TNS2: variants seen among roughly 807,000 people sequenced by gnomAD.
TNS2 encodes tensin-2.
TNS2 carries 77 observed loss-of-function variants against 155.7 expected under a neutral mutation model. The observed-to-expected ratio is 0.49, with a 90% CI of 0.41 to 0.60. The LOEUF is 0.60. Among genes scored for constraint, TNS2 ranks in the 20% least tolerant of loss-of-function variants. The pLI is 0.00. For synonymous variants in TNS2, 726 were observed against 763.9 expected (o/e 0.95, Z 0.82); for missense variants, 1,703 against 1,868.8 (o/e 0.91, Z 1.64).
In TNS2 at chr12:53,059,059, A is replaced by C; in HGVS notation, c.1418A>C (p.His473Pro). The C allele has an allele frequency of 6.5e-7, 1 of 1,532,790 alleles. No homozygotes were observed. The highest frequency in any genetic ancestry group is 8.8e-7 in the Non-Finnish European group (1 of 1,142,346). 94.9% of individuals were successfully genotyped at this position (1,532,790 alleles called of 1,614,324 possible). The change falls in exon 18 of 29, where the codon CAC (histidine) becomes CCC (proline). Residue 473 changes from histidine (H) to proline (P), a missense_variant. Transcript: ENST00000314250. This position sits in a 1 kb window ranked among gnomAD's most constrained non-coding sequence, Gnocchi z 4.7. ...CTTCCCCACTCAGGCTCCTTGACCCACACCCGGGGTCCCCTGGATGGCAGT... is the reference window on the plus strand; with the variant it reads ...CTTCCCCACTCAGGCTCCTTGACCCCCACCCGGGGTCCCCTGGATGGCAGT... ...HEDSVDGSLT[H>P]TRGPLDGSPY...
At chr12:53,049,100 G>C (rs373899734), upstream of TNS2, 5 of 1,439,320 alleles carry the variant, frequency 3.5e-6, no homozygotes, top group African/African-American at 5.8e-5. Context: ...TTGACTCCCA[G>C]GACGGGAAGT....
At chr12:53,056,743 C>T (rs950933013) in intron 10 of TNS2, among the ~76,000 whole-genome samples, 25 of 152,308 alleles carry the variant, frequency 1.6e-4, no homozygotes, top group Non-Finnish European at 3.1e-4. Flanking sequence ...TTCTGAGGTA[C>T]ATGTCTTTTG....
Position 53,053,448 on chromosome 12 carries a change from T to G in TNS2, c.260T>G (p.Leu87Trp), listed in dbSNP as rs758175254. 1 of 1,613,920 alleles carries G rather than the reference T, an allele frequency of 6.2e-7. No individual in the cohort carries two copies. The highest frequency in any genetic ancestry group is 1.1e-5 in the South Asian group (1 of 91,082). The change falls in exon 4 of 29, where the codon TTG (leucine) becomes TGG (tryptophan). Residue 87 changes from leucine to tryptophan, a missense_variant and splice_region_variant. Transcript: ENST00000314250. The part of the protein sequence containing the change: ...SACQALPPVE[L>W]RRNTAPVRRI... ...TGTCAGGCCTTGCCTCCCGTGGAGT[T>G]GGTGAGTGCGCTCTGGGATGGGGTG...
rs199919113 is a variant in TNS2, at chr12:53,061,282, G to A, written c.3358+18G>A. On this transcript the variant is annotated intron_variant, in intron 20 of 28. Transcript: ENST00000314250. Reference sequence around the variant, plus strand: ...AACCCCAGGTATAAAGGCCTTGAGGGGGTTGGTGCCACCTTGAGAGAACCC... The same window carrying A: ...AACCCCAGGTATAAAGGCCTTGAGGAGGTTGGTGCCACCTTGAGAGAACCC... The A allele has an allele frequency of 6.9e-6, 11 of 1,595,412 alleles. No individual in the cohort carries two copies. In the African/African-American group the frequency reaches 1.5e-4, roughly 21 times the overall value.
chr12:53,057,085 C>T lies in TNS2; in HGVS notation c.834C>T (p.Pro278=). 1 of 1,612,938 alleles carries T rather than the reference C, an allele frequency of 6.2e-7. No homozygotes were observed. The highest frequency in any genetic ancestry group is 8.5e-7 in the Non-Finnish European group (1 of 1,179,590). ...ACAAGGTGGCCACAGAACTGCAGCC[C>T]TCCCAGCGTCGGTGAGCAGCCTGGG... The part of the protein sequence containing the change: ...CEDKVATELQ[P]SQRRYISYFS... Residue 278 remains proline, a synonymous_variant, in exon 11 of 29, where the codon CCC becomes CCT. Coordinates refer to ENST00000314250, the MANE Select transcript of TNS2 (RefSeq NM_170754.4).
chr12:53,056,826 A>C, intron 10 of TNS2, 187 bp from the exon 11 acceptor site: 1 of 536,814 alleles, frequency 1.9e-6, no homozygotes, highest in Non-Finnish European at 3.3e-6. Context: ...AGTTCAGGGA[A>C]CAATTGCCTG....
In TNS2 at chr12:53,060,991, G is replaced by T. The variant is rs776173247; in HGVS notation, c.3085G>T (p.Gly1029Trp). Residue 1029 changes from glycine (G) to tryptophan (W), a missense_variant, in exon 20 of 29, where the codon GGG becomes TGG. Physicochemically the swap from Gly to Trp is radical, Grantham distance 184. Transcript: ENST00000314250. This position sits in a 1 kb window ranked among gnomAD's most constrained non-coding sequence, Gnocchi z 6.1. ...TCGAGGCCCCCCCGACAGCCCAGAT[G>T]GGTCTCCCCTCACTCCTGTGCCTTC... Reference protein sequence around the residue: ...GPRGPPDSPDGSPLTPVPSQM... With the variant: ...GPRGPPDSPDWSPLTPVPSQM... 1.2e-6 allele frequency: 2 copies of T among 1,612,426 alleles called. No individual in the cohort carries two copies. The highest frequency in any genetic ancestry group is 1.7e-5 in the Admixed American group (1 of 59,872).
Position 53,057,065 on chromosome 12 carries a change from G to A in TNS2, c.814G>A (p.Val272Met), listed in dbSNP as rs1243344219. ...LTMRKFCEDK[V>M]ATELQPSQRR... ...CATGCGGAAATTCTGCGAGGACAAGGTGGCCACAGAACTGCAGCCCTCCCA... is the reference window on the plus strand; with the variant it reads ...CATGCGGAAATTCTGCGAGGACAAGATGGCCACAGAACTGCAGCCCTCCCA... The change falls in exon 11 of 29, where the codon GTG becomes ATG. Residue 272 changes from valine (V) to methionine (M), a missense_variant. By Grantham distance (21) the Val-to-Met change is conservative. Transcript: ENST00000314250. 2 of 1,613,588 alleles carry A rather than the reference G, an allele frequency of 1.2e-6. No individual in the cohort carries two copies. The highest frequency in any genetic ancestry group is 2.7e-5 in the African/African-American group (2 of 74,930).
chr12:53,053,233 G>C, intron 3 of TNS2, 178 bp from the exon 4 acceptor site: 1 of 689,822 alleles, frequency 1.4e-6, no homozygotes. Context: ...GGGCCTGGGG[G>C]GTGGGGGACC....
rs887233010 is a variant in TNS2, at chr12:53,059,112, C to T, written c.1471C>T (p.Arg491Trp). 34 of 1,552,156 alleles carry T rather than the reference C, an allele frequency of 2.2e-5. No individual in the cohort carries two copies. Among genetic ancestry groups the T allele is most frequent in the East Asian group, 4.5e-5 (2 of 44,698 alleles). Reference protein sequence around the residue: ...SPYAQVQRPPRQTPPAPSPEP... With the variant: ...SPYAQVQRPPWQTPPAPSPEP... The stretch of plus-strand genomic sequence containing the variant: ...TTATGCCCAGGTGCAGCGGCCTCCC[C>T]GGCAGACCCCCCCGGCACCCTCTCC... The change falls in exon 18 of 29, where the codon CGG becomes TGG. Residue 491 changes from arginine to tryptophan, a missense_variant. By Grantham distance (101) the Arg-to-Trp change is moderately radical. Transcript: ENST00000314250. This position sits in a 1 kb window ranked among gnomAD's most constrained non-coding sequence, Gnocchi z 4.7.
Position 53,060,897 on chromosome 12 carries a change from T to A in TNS2, c.2991T>A (p.Asp997Glu), listed in dbSNP as rs1353619189. ...AAAGGAGTCCAGGGGGCCACTCAGA[T>A]GGCGCCAGTCCTCGGAGCCCTGTGC... ...PQERSPGGHS[D>E]GASPRSPVPT... The change falls in exon 20 of 29, where the codon GAT (aspartate) becomes GAA (glutamate). Residue 997 changes from aspartate (D) to glutamate (E), a missense_variant. Asp to Glu is a conservative substitution (Grantham distance 45, BLOSUM62 2). Coordinates refer to ENST00000314250, the MANE Select transcript of TNS2 (RefSeq NM_170754.4). This position sits in a 1 kb window ranked among gnomAD's most constrained non-coding sequence, Gnocchi z 6.1. 1 of 1,588,960 alleles carries A rather than the reference T, an allele frequency of 6.3e-7. No individual in the cohort carries two copies. The highest frequency in any genetic ancestry group is 2.3e-5 in the East Asian group (1 of 44,104).
At chr12:53,054,758 T>C (rs1944079939) in intron 7 of TNS2, among the ~76,000 whole-genome samples, 1 of 150,900 alleles carries the variant, frequency 6.6e-6, no homozygotes, top group Admixed American at 6.6e-5. Flanking sequence ...CACTGCAACC[T>C]CCTCCACCCG....
chr12:53,054,348 C>T lies in TNS2; in HGVS notation c.429C>T (p.Ala143=), dbSNP rs1187950649. The change falls in exon 7 of 29, where the codon GCC becomes GCT. Residue 143 remains alanine, a synonymous_variant. Transcript: ENST00000314250. ...ACGTGACGGAGCGCATCTTGGCCGC[C>T]GCCTTCCCCGCGCGGCCCGATGAAC... The part of the protein sequence containing the change: ...LTYVTERILA[A]AFPARPDEQR... The T allele has an allele frequency of 1.7e-5, 27 of 1,612,688 alleles. No homozygotes were observed. Among genetic ancestry groups the T allele is most frequent in the South Asian group, 2.2e-5 (2 of 91,082 alleles).
At chr12:53,051,580 G>T (rs572252998) in intron 1 of TNS2, among the ~76,000 whole-genome samples, 3 of 152,298 alleles carry the variant, frequency 2.0e-5, no homozygotes, top group African/African-American at 7.2e-5. Flanking sequence ...TTCCACAAGG[G>T]CATCACACAC....
chr12:53,056,897 TG>T, intron 10 of TNS2, 115 bp from the exon 11 acceptor site: 2 of 967,120 alleles, frequency 2.1e-6, no homozygotes, highest in Non-Finnish European at 3.1e-6. Context: ...ACCACTACTC[TG>T]GGCTTCTTCT....
rs1944383480 is a variant in TNS2, at chr12:53,061,474, G to A, written c.3448+5G>A. On this transcript the variant is annotated splice_donor_5th_base_variant and intron_variant, in intron 21 of 28. Transcript: ENST00000314250. ...CACACCTGTCCCGTGACCAAGGTGA[G>A]AAGCCAGCCTGCCCCCACCCCACTG... 1 of 1,613,918 alleles carries A rather than the reference G, an allele frequency of 6.2e-7. No individual in the cohort carries two copies. Among genetic ancestry groups the A allele is most frequent in the South Asian group, 1.1e-5 (1 of 91,088 alleles).
rs1481605501 is a variant in TNS2, at chr12:53,059,153, C to T, written c.1512C>T (p.Pro504=). 5 of 1,599,102 alleles carry T rather than the reference C, an allele frequency of 3.1e-6. No individual in the cohort carries two copies. In the Admixed American group the frequency reaches 6.8e-5, roughly 22 times the overall value. ...PPAPSPEPPP[P]PMLSVSSDSG... is the part of the protein sequence containing the mutation. ...CACCCTCTCCAGAGCCTCCACCACCCCCCATGCTCTCTGTCAGCAGCGACT... is the reference window on the plus strand; with the variant it reads ...CACCCTCTCCAGAGCCTCCACCACCTCCCATGCTCTCTGTCAGCAGCGACT... Residue 504 remains proline, a synonymous_variant, in exon 18 of 29, where the codon CCC becomes CCT. Coordinates refer to ENST00000314250, the MANE Select transcript of TNS2 (RefSeq NM_170754.4). This position sits in a 1 kb window ranked among gnomAD's most constrained non-coding sequence, Gnocchi z 4.7.
In TNS2 at chr12:53,060,711, G is replaced by A. The variant is rs755734261; in HGVS notation, c.2805G>A (p.Ala935=). The part of the protein sequence containing the change: ...RRQDTRSPTS[A]PTQRLSPGEA... ...AGGACACCAGGTCCCCCACCTCAGC[G>A]CCCACTCAGAGACTGAGTCCTGGCG... The change falls in exon 20 of 29, where the codon GCG becomes GCA. Residue 935 remains alanine, a synonymous_variant. Transcript: ENST00000314250. This position sits in a 1 kb window ranked among gnomAD's most constrained non-coding sequence, Gnocchi z 6.1. 157 of 1,592,560 alleles carry A rather than the reference G, an allele frequency of 9.9e-5. 1 individual carries two copies. Among genetic ancestry groups the A allele is most frequent in the African/African-American group, 1.2e-4 (9 of 74,578 alleles).
intron 10 of TNS2, 75 bp downstream of exon 10, chr12:53,055,920 C>G (rs1345994076): frequency 2.0e-5 from 30 of 1,478,530 alleles, no homozygotes; most frequent in Non-Finnish European, 2.8e-5. Flanking sequence ...AACCCATCTC[C>G]CCTGGAGCCC....
Sources: allele counts gnomAD v4.1 joint callset (sites outside exome capture counted in the v4.1 genomes callset), GRCh38; gene constraint gnomAD v4.1.1; non-coding constraint Gnocchi (gnomAD v3.1); transcripts MANE v1.5; gene names NCBI Gene and HGNC (gene_info 2026-07-23, HGNC 2026-07-21).